The following ROBO1 variants were observed in gnomAD, a reference collection of about 807,000 sequenced individuals.
The protein encoded by ROBO1 is roundabout homolog 1.
In ROBO1, 149 loss-of-function variants were observed where a neutral mutation model predicts 195.9. The observed-to-expected ratio is 0.76, with a 90% confidence interval of 0.67 to 0.87. The LOEUF (loss-of-function observed/expected upper bound fraction) is 0.87, where lower values mean the gene tolerates loss of function less well. Ranked by LOEUF, ROBO1 falls within the 40% of genes least tolerant of loss-of-function variation. The pLI, the probability that ROBO1 is intolerant of heterozygous loss-of-function variation, is 0.00. For synonymous variants in ROBO1, 816 were observed against 733.2 expected (o/e 1.11, Z -1.82); for missense variants, 1,933 against 2,068.3 (o/e 0.93, Z 1.27).
intron 2 of ROBO1, among the ~76,000 whole-genome samples, chr3:79,363,982 A>T (rs1017468554): frequency 3.3e-5 from 5 of 152,088 alleles, no homozygotes; most frequent in Non-Finnish European, 5.9e-5. Context: ...AGGCGGGTGG[A>T]TCACAAGGTC....
intron 2 of ROBO1, among the ~76,000 whole-genome samples, chr3:79,135,577 A>G (rs771378025): frequency 2.5e-4 from 38 of 152,226 alleles, no homozygotes; most frequent in Non-Finnish European, 4.8e-4. Flanking sequence ...TGGTTGAATA[A>G]AAACTATCTT....
intron 2 of ROBO1, among the ~76,000 whole-genome samples, chr3:79,149,614 C>G (rs373110689): frequency 6.6e-6 from 1 of 151,644 alleles, no homozygotes; most frequent in South Asian, 2.1e-4. Context: ...TCAGGTAAAT[C>G]GGCCTCAGTG....
At chr3:79,595,639 C>G (rs1576087619) in intron 1 of ROBO1, among the ~76,000 whole-genome samples, 1 of 151,816 alleles carries the variant, frequency 6.6e-6, no homozygotes, top group South Asian at 2.1e-4. Flanking sequence ...CTCTGAGATC[C>G]TCCTGAGACA....
At chr3:79,560,558 T>TATATATATATATATATATATACAC (rs5850439) in intron 2 of ROBO1, among the ~76,000 whole-genome samples, 7 of 129,698 alleles carry the variant, frequency 5.4e-5, no homozygotes, top group Non-Finnish European at 1.1e-4. Flanking sequence ...TATATATATA[T>TATATATATATATATATATATACAC]ACACATACAC....
chr3:79,339,067 C>T (rs2034799823), intron 2 of ROBO1, among the ~76,000 whole-genome samples: 1 of 152,110 alleles, frequency 6.6e-6, no homozygotes, highest in African/African-American at 2.4e-5. Flanking sequence ...GTTGCCAATA[C>T]CTTCAAAATA....
chr3:79,083,582 G>T (rs559212931), intron 3 of ROBO1, among the ~76,000 whole-genome samples: 70 of 152,258 alleles, frequency 4.6e-4, no homozygotes, highest in African/African-American at 1.6e-3. Context: ...TTAGCAGTAT[G>T]CTCAAAATTT....
intron 24 of ROBO1, 62 bp downstream of exon 24, chr3:78,633,873 A>G (rs2107521273): frequency 8.8e-7 from 1 of 1,134,980 alleles, no homozygotes; most frequent in Non-Finnish European, 1.3e-6. Flanking sequence ...TTAGCACTCA[A>G]TTTGTAATCT....
In ROBO1 at chr3:78,711,368, TTCCTTCCTTCCTTCCTTC is replaced by T. The variant is rs1404162101; in HGVS notation, c.1045+3011_1045+3028del. Among the ~76,000 whole-genome samples, 342 of 59,750 alleles carry T rather than the reference TTCCTTCCTTCCTTCCTTC, an allele frequency of 5.7e-3. 46 individuals carry two copies. Among genetic ancestry groups the T allele is most frequent in the African/African-American group, 9.4e-3 (108 of 11,434 alleles). The allele number at this position is 59,750 out of a possible 152,430, so 39.2% of individuals were successfully genotyped here. A position where few individuals can be genotyped will look rare whatever the true frequency, so the allele number is the denominator to read the frequency against. Reference sequence around the variant, plus strand: ...CCTTCCTCCTTCCTTCCTTCCTTCCTTCCTTCCTTCCTTCCTTCCTTCCTTCCTTCCTTTCTTTCTTTC... The same window carrying T: ...CCTTCCTCCTTCCTTCCTTCCTTCCTCTTCCTTCCTTCCTTTCTTTCTTTC... On this transcript the variant is annotated intron_variant, in intron 8 of 30. Transcript: ENST00000464233.
At chr3:78,798,218 T>G (rs1319533116) in intron 4 of ROBO1, among the ~76,000 whole-genome samples, 2 of 152,202 alleles carry the variant, frequency 1.3e-5, no homozygotes, top group Admixed American at 1.3e-4. Context: ...TTTCAGTAAC[T>G]GTTACACTTA....
chr3:79,127,992 AT>A (rs747234076), intron 2 of ROBO1, among the ~76,000 whole-genome samples: 1 of 152,066 alleles, frequency 6.6e-6, no homozygotes, highest in Non-Finnish European at 1.5e-5. Context: ...TGCTTTGCTA[AT>A]TTTTTTCTTT....
intron 2 of ROBO1, among the ~76,000 whole-genome samples, chr3:79,464,984 C>A (rs1937877203): frequency 1.3e-5 from 2 of 152,196 alleles, no homozygotes; most frequent in South Asian, 2.1e-4. Context: ...GGAGAGAGGG[C>A]CCTAATCCTT....
chr3:79,160,861 C>T (rs969822755), intron 2 of ROBO1, among the ~76,000 whole-genome samples: 6 of 151,860 alleles, frequency 4.0e-5, no homozygotes, highest in Non-Finnish European at 7.4e-5. Flanking sequence ...TAAGCCTCAC[C>T]CCCCCAACCT....
intron 2 of ROBO1, among the ~76,000 whole-genome samples, chr3:79,452,120 A>T (rs953913767): frequency 6.6e-6 from 1 of 152,062 alleles, no homozygotes; most frequent in Non-Finnish European, 1.5e-5. Context: ...AATGACATAG[A>T]TGTCTCCAAA....
chr3:78,831,556 T>C (rs1260493284), intron 4 of ROBO1, among the ~76,000 whole-genome samples: 2 of 152,206 alleles, frequency 1.3e-5, no homozygotes, highest in Admixed American at 6.5e-5. Context: ...ACAGAGGAGA[T>C]AGCAGATTAT....
intron 4 of ROBO1, among the ~76,000 whole-genome samples, chr3:78,777,632 G>A (rs938116506): frequency 7.2e-5 from 11 of 152,126 alleles, no homozygotes; most frequent in African/African-American, 2.7e-4. Flanking sequence ...TTATGTAACA[G>A]CATTTAATTT....
At chr3:79,312,827 C>T (rs1034658468) in intron 2 of ROBO1, among the ~76,000 whole-genome samples, 1 of 152,006 alleles carries the variant, frequency 6.6e-6, no homozygotes, top group African/African-American at 2.4e-5. Context: ...AGAATACTTG[C>T]CCTTAAGTTT....
At chr3:79,445,897 CCG>C (rs2039239010) in intron 2 of ROBO1, among the ~76,000 whole-genome samples, 1 of 152,034 alleles carries the variant, frequency 6.6e-6, no homozygotes, top group Non-Finnish European at 1.5e-5. Context: ...CGTGATCTGC[CCG>C]CCTCAGCCTC....
chr3:79,050,916 A>T (rs1490918063), intron 3 of ROBO1, among the ~76,000 whole-genome samples: 4 of 152,194 alleles, frequency 2.6e-5, no homozygotes, highest in Non-Finnish European at 5.9e-5. Flanking sequence ...AGCAGCGTGT[A>T]GAGGGAAATT....
intron 8 of ROBO1, among the ~76,000 whole-genome samples, chr3:78,711,372 TTCCTTCCTTCCTTC>T (rs1559773117): frequency 1.1e-4 from 3 of 27,754 alleles, no homozygotes; most frequent in Non-Finnish European, 2.2e-4. Flanking sequence ...CCTTCCTTCC[TTCCTTCCTTCCTTC>T]CTTCCTTCCT....
Sources: gnomAD v4.1 joint callset for allele counts (sites outside exome capture counted in the v4.1 genomes callset) on GRCh38, gnomAD v4.1.1 for gene constraint, MANE v1.5 for transcripts, NCBI Gene and HGNC (gene_info 2026-07-23, HGNC 2026-07-21) for gene names.